Variants in PARD3 observed in about 807,000 individuals in gnomAD.
The protein encoded by PARD3 is par-3 family cell polarity regulator.
PARD3 carries 75 observed loss-of-function variants against 155.4 expected under a neutral mutation model. The observed-to-expected ratio is 0.48, with a 90% CI of 0.40 to 0.58. The LOEUF (loss-of-function observed/expected upper bound fraction) is 0.58. PARD3 is among the 20% of genes least tolerant of loss of function. PARD3 has a pLI of 0.00. For missense variants in PARD3, 1,642 were observed against 1,721.7 expected, an observed-to-expected ratio of 0.95 and a Z score of 0.82; for synonymous variants, 576 against 610.5, an observed-to-expected ratio of 0.94 and a Z score of 0.83.
chr10:34,318,442 A>G (rs1172860672), intron 19 of PARD3, among the ~76,000 whole-genome samples: 3 of 152,220 alleles, frequency 2.0e-5, no homozygotes, highest in Non-Finnish European at 1.5e-5. Context: ...TTCTTATAAC[A>G]AAGAGCCAAA....
chr10:34,335,289 CAT>C (rs1273941256), intron 18 of PARD3, among the ~76,000 whole-genome samples: 1 of 151,812 alleles, frequency 6.6e-6, no homozygotes, highest in African/African-American at 2.4e-5. Context: ...ATAATTTTTA[CAT>C]ATATATATGT....
chr10:34,693,003 A>G (rs1463068272), intron 2 of PARD3, among the ~76,000 whole-genome samples: 1 of 152,216 alleles, frequency 6.6e-6, no homozygotes, highest in African/African-American at 2.4e-5. Flanking sequence ...ACAATGAGAC[A>G]CCACCTCACA....
intron 23 of PARD3, among the ~76,000 whole-genome samples, chr10:34,124,176 G>T (rs908833610): frequency 2.0e-5 from 3 of 152,086 alleles, no homozygotes; most frequent in South Asian, 2.1e-4. Context: ...GCAAAATTTT[G>T]TATGTCCAAG....
intron 1 of PARD3, among the ~76,000 whole-genome samples, chr10:34,733,328 A>G (rs915907569): frequency 1.3e-5 from 2 of 152,210 alleles, no homozygotes; most frequent in African/African-American, 4.8e-5. Flanking sequence ...AGTCCCTTAC[A>G]ATCACTCTTC....
chr10:34,435,278 A>C (rs1416927400), intron 5 of PARD3, among the ~76,000 whole-genome samples: 3 of 152,216 alleles, frequency 2.0e-5, no homozygotes, highest in African/African-American at 4.8e-5. Flanking sequence ...CAACTTCTTA[A>C]ACATCAGAAA....
chr10:34,486,132 G>A (rs2133261371), intron 3 of PARD3, among the ~76,000 whole-genome samples: 1 of 151,972 alleles, frequency 6.6e-6, no homozygotes, highest in African/African-American at 2.4e-5. Flanking sequence ...TGCCCAGGCT[G>A]GTCTCAAAAT....
At chr10:34,481,399 G>T (rs538048067) in intron 3 of PARD3, among the ~76,000 whole-genome samples, 2 of 152,114 alleles carry the variant, frequency 1.3e-5, no homozygotes, top group Non-Finnish European at 2.9e-5. Flanking sequence ...CCTCTCAGGC[G>T]AGAGTGAAGG....
At chr10:34,701,792 C>T (rs1232401718) in intron 1 of PARD3, among the ~76,000 whole-genome samples, 2 of 152,120 alleles carry the variant, frequency 1.3e-5, no homozygotes, top group East Asian at 1.9e-4. Context: ...AGTCCAGCTA[C>T]TTGGGAGGCT....
chr10:34,799,767 G>A (rs904010101), intron 1 of PARD3, among the ~76,000 whole-genome samples: 1 of 151,942 alleles, frequency 6.6e-6, no homozygotes, highest in African/African-American at 2.4e-5. Flanking sequence ...AAAGTGGGAG[G>A]GTCACTTGAG....
chr10:34,460,409 G>C lies in PARD3; in HGVS notation c.582+9676C>G, dbSNP rs375652987. ...CAAAAGTGCAAGTACCCAGCCAAGA[G>C]AATTCAGCACATTTATATCACAACT... is the stretch of plus-strand genomic sequence containing the variant. On this transcript the variant is annotated intron_variant, in intron 4 of 24. Transcript: ENST00000374788. 6.8e-4 allele frequency among the ~76,000 whole-genome samples: 104 copies of C among 152,244 alleles called. 1 individual carries two copies. In the South Asian group the frequency reaches 7.9e-3, roughly 12 times the overall value.
intron 20 of PARD3, among the ~76,000 whole-genome samples, chr10:34,291,180 G>GA (rs1030363410): frequency 6.6e-6 from 1 of 151,678 alleles, no homozygotes; most frequent in African/African-American, 2.4e-5. Context: ...TTATTCAAAG[G>GA]AAAAAAAATC....
intron 22 of PARD3, among the ~76,000 whole-genome samples, chr10:34,159,125 G>A (rs756353913): frequency 1.3e-5 from 2 of 152,316 alleles, no homozygotes; most frequent in East Asian, 1.9e-4. Flanking sequence ...TCAGTGAAAG[G>A]TGCTGTACAA....
chr10:34,592,336 G>C (rs1415953759), intron 2 of PARD3, among the ~76,000 whole-genome samples: 1 of 152,140 alleles, frequency 6.6e-6, no homozygotes, highest in Non-Finnish European at 1.5e-5. Context: ...TCTGTGAATG[G>C]TAATTGATAC....
At chr10:34,741,181 T>TGTTTGTTTGTTTG (rs1174756850) in intron 1 of PARD3, among the ~76,000 whole-genome samples, 4 of 133,054 alleles carry the variant, frequency 3.0e-5, no homozygotes, top group African/African-American at 1.1e-4. Flanking sequence ...CAAATTTTTT[T>TGTTTGTTTGTTTG]TTTTTTTTTT....
intron 18 of PARD3, among the ~76,000 whole-genome samples, chr10:34,334,341 C>G (rs1282430129): frequency 1.0e-5 from 1 of 97,776 alleles, no homozygotes; most frequent in Admixed American, 1.2e-4. Context: ...TAATATCCCT[C>G]TTGCCAAAAA....
In PARD3 at chr10:34,545,680, G is replaced by A. The variant is rs1236521162; in HGVS notation, c.223-28521C>T. On this transcript the variant is annotated intron_variant, in intron 2 of 24. Transcript: ENST00000374788. ...AGCAATTCCCCTGCCTCAGCCTCTA[G>A]AGTAACTGGGATTACAGGTACCTGC... Among the ~76,000 whole-genome samples the A allele has an allele frequency of 5.3e-5, 8 of 152,026 alleles. No homozygotes were observed. The East Asian group carries it at 1.5e-3, about 29-fold the overall frequency.
At chr10:34,187,882 T>C (rs1233721428) in intron 22 of PARD3, among the ~76,000 whole-genome samples, 6 of 152,218 alleles carry the variant, frequency 3.9e-5, no homozygotes, top group African/African-American at 1.2e-4. Flanking sequence ...ATGAACGATA[T>C]ACTATCTCTC....
At chr10:34,658,499 C>T (rs1344504960) in intron 2 of PARD3, among the ~76,000 whole-genome samples, 1 of 152,026 alleles carries the variant, frequency 6.6e-6, no homozygotes, top group Non-Finnish European at 1.5e-5. Context: ...AGACGGTACC[C>T]ACCCTCCGAG....
At chr10:34,770,659 C>G (rs1391986784) in intron 1 of PARD3, among the ~76,000 whole-genome samples, 2 of 152,146 alleles carry the variant, frequency 1.3e-5, no homozygotes, top group African/African-American at 4.8e-5. Context: ...AGGTATGTGG[C>G]CTTGGACAGA....
Sources: gnomAD v4.1 joint callset for allele counts (sites outside exome capture counted in the v4.1 genomes callset) on GRCh38, gnomAD v4.1.1 for gene constraint, MANE v1.5 for transcripts, NCBI Gene and HGNC (gene_info 2026-07-23, HGNC 2026-07-21) for gene names.